Variants in GRM8 observed in about 807,000 individuals in gnomAD.
The protein encoded by GRM8 is glutamate metabotropic receptor 8, also known as metabotropic glutamate receptor 8.
GRM8 carries 47 observed loss-of-function variants against 87.2 expected under a neutral mutation model. The observed-to-expected ratio is 0.54, with a 90% CI of 0.43 to 0.69. The LOEUF (loss-of-function observed/expected upper bound fraction) is 0.69. Ranked by LOEUF, GRM8 falls within the 30% of genes least tolerant of loss-of-function variation. GRM8 has a pLI of 0.00. For synonymous variants in GRM8, 396 were observed against 404.5 expected (o/e 0.98, Z 0.25); for missense variants, 1,019 against 1,139.2 (o/e 0.89, Z 1.52).
At chr7:126,608,024 A>G (rs1798537404) in intron 8 of GRM8, among the ~76,000 whole-genome samples, 1 of 151,872 alleles carries the variant, frequency 6.6e-6, no homozygotes, top group African/African-American at 2.4e-5. Context: ...AACGTGCTCC[A>G]TACTTCTCTA....
At chr7:126,753,940 A>G (rs1207798438) in intron 7 of GRM8, among the ~76,000 whole-genome samples, 1 of 151,966 alleles carries the variant, frequency 6.6e-6, no homozygotes, top group Non-Finnish European at 1.5e-5. Flanking sequence ...CCAGGAAACT[A>G]TGCAAAGACT....
At chr7:126,592,348 T>C (rs1464706806) in intron 8 of GRM8, among the ~76,000 whole-genome samples, 1 of 151,818 alleles carries the variant, frequency 6.6e-6, no homozygotes, top group Non-Finnish European at 1.5e-5. Flanking sequence ...CTCAAGCCAA[T>C]ATCCCTGATG....
chr7:127,163,416 A>G (rs1361291321), intron 2 of GRM8, among the ~76,000 whole-genome samples: 1 of 152,206 alleles, frequency 6.6e-6, no homozygotes, highest in Non-Finnish European at 1.5e-5. Flanking sequence ...CCTGCCTGGC[A>G]GAACTCTCCT....
Position 127,106,529 on chromosome 7 carries a change from C to G in GRM8, c.694G>C (p.Val232Leu). The stretch of plus-strand genomic sequence containing the variant: ...CTCGAGATCTGGGTGAAGGCCTCCA[C>G]ACCGCTCTCACCATAGTTCCCCTCA... ...ASEGNYGESG[V>L]EAFTQISREI... The change falls in exon 3 of 11, where the codon GTG (valine) becomes CTG (leucine). Residue 232 changes from valine to leucine, a missense_variant. Coordinates refer to ENST00000339582, the MANE Select transcript of GRM8 (RefSeq NM_000845.3). 6.2e-7 allele frequency: 1 copy of G among 1,614,008 alleles called. No homozygotes were observed. Among genetic ancestry groups the G allele is most frequent in the Non-Finnish European group, 8.5e-7 (1 of 1,179,920 alleles).
At chr7:126,705,406 G>T (rs990786722) in intron 7 of GRM8, among the ~76,000 whole-genome samples, 4 of 152,114 alleles carry the variant, frequency 2.6e-5, no homozygotes, top group African/African-American at 9.7e-5. Flanking sequence ...TGTTATGATT[G>T]CCATACATTG....
chr7:126,778,084 T>C (rs1819657296), intron 6 of GRM8, among the ~76,000 whole-genome samples: 1 of 152,210 alleles, frequency 6.6e-6, no homozygotes, highest in African/African-American at 2.4e-5. Context: ...GTCAAGGACC[T>C]GTAGAGACAG....
At chr7:126,746,797 T>C (rs950367444) in intron 7 of GRM8, among the ~76,000 whole-genome samples, 2 of 151,736 alleles carry the variant, frequency 1.3e-5, no homozygotes, top group Non-Finnish European at 3.0e-5. Context: ...ATATCTAAAA[T>C]TGCTCAATAA....
intron 6 of GRM8, among the ~76,000 whole-genome samples, chr7:126,820,930 G>A (rs1027932436): frequency 5.3e-5 from 8 of 152,170 alleles, no homozygotes; most frequent in African/African-American, 1.7e-4. Flanking sequence ...GCGAAAGCCT[G>A]TCTCTGCAAA....
intron 6 of GRM8, among the ~76,000 whole-genome samples, chr7:126,807,453 G>A (rs928775342): frequency 1.2e-4 from 18 of 152,302 alleles, no homozygotes; most frequent in Admixed American, 1.2e-3. Flanking sequence ...ACTAAAAGAT[G>A]CTTTGGTCTA....
intron 3 of GRM8, among the ~76,000 whole-genome samples, chr7:126,950,698 G>A (rs572911061): frequency 6.6e-6 from 1 of 152,120 alleles, no homozygotes; most frequent in African/African-American, 2.4e-5. Flanking sequence ...ATTTCCCATG[G>A]CTTGTCTGTA....
chr7:126,877,147 T>C lies in GRM8; in HGVS notation c.1156+25395A>G, dbSNP rs556219814. On this transcript the variant is annotated intron_variant, in intron 6 of 10. Transcript: ENST00000339582. Reference sequence around the variant, plus strand: ...AGACAAGCCTTTCTTCAATGCCCATTCCTTGTTGGATTCCTGGCCTTCCTC... The same window carrying C: ...AGACAAGCCTTTCTTCAATGCCCATCCCTTGTTGGATTCCTGGCCTTCCTC... 4.3e-4 allele frequency among the ~76,000 whole-genome samples: 65 copies of C among 152,310 alleles called. 1 individual carries two copies. The South Asian group carries it at 0.013, about 31-fold the overall frequency.
intron 7 of GRM8, among the ~76,000 whole-genome samples, chr7:126,695,284 C>T (rs911126824): frequency 6.6e-6 from 1 of 152,142 alleles, no homozygotes; most frequent in African/African-American, 2.4e-5. Context: ...TATCTTCTAT[C>T]ATTTGGAAAT....
chr7:127,150,203 A>C (rs1473500591), intron 2 of GRM8, among the ~76,000 whole-genome samples: 1 of 152,108 alleles, frequency 6.6e-6, no homozygotes, highest in Non-Finnish European at 1.5e-5. Context: ...TGAAACAGGA[A>C]AGAAGACAGG....
chr7:126,706,875 C>G lies in GRM8; in HGVS notation c.1357+62990G>C, dbSNP rs115981281. Among the ~76,000 whole-genome samples, 273 of 152,232 alleles carry G rather than the reference C, an allele frequency of 1.8e-3. 1 individual carries two copies. The highest frequency in any genetic ancestry group is 6.8e-3 in the Middle Eastern group (2 of 294). ...CCTTATTCAATAGTTTTAATATATA[C>G]CTGGTATCTGCCATGTCTACCACAA... is the stretch of plus-strand genomic sequence containing the variant. On this transcript the variant is annotated intron_variant, in intron 7 of 10. Transcript: ENST00000339582.
At chr7:126,669,893 G>A (rs934100343) in intron 7 of GRM8, among the ~76,000 whole-genome samples, 6 of 152,166 alleles carry the variant, frequency 3.9e-5, no homozygotes, top group South Asian at 2.1e-4. Flanking sequence ...AGAGAAAGCC[G>A]AAGGTTCAAA....
intron 9 of GRM8, among the ~76,000 whole-genome samples, chr7:126,460,926 A>G (rs1042868551): frequency 6.6e-6 from 1 of 151,546 alleles, no homozygotes; most frequent in African/African-American, 2.4e-5. Flanking sequence ...AGTATATTTT[A>G]GAGCCATTAG....
rs1426435623 is a variant in GRM8 at position 126,902,615 on chromosome 7, T to C, written c.1083A>G (p.Glu361=). ...TGCAGCCAAAATTCTCCTCCCAGAA[T>C]TCTGCAAACCACACATTTCTTCGAT... The part of the protein sequence containing the change: ...ANNRRNVWFA[E]FWEENFGCKL... Residue 361 remains glutamate, a synonymous_variant, in exon 6 of 11, where the codon GAA becomes GAG. Coordinates refer to ENST00000339582, the MANE Select transcript of GRM8 (RefSeq NM_000845.3). The C allele has an allele frequency of 6.2e-7, 1 of 1,611,208 alleles. No homozygotes were observed. Among genetic ancestry groups the C allele is most frequent in the African/African-American group, 1.3e-5 (1 of 74,862 alleles).
chr7:126,773,458 A>C (rs960416996), intron 6 of GRM8, among the ~76,000 whole-genome samples: 5 of 152,144 alleles, frequency 3.3e-5, no homozygotes, highest in Non-Finnish European at 7.3e-5. Flanking sequence ...ACATGTGTGA[A>C]TGTTTTATAG....
chr7:126,948,818 C>T (rs1185786311), intron 3 of GRM8, among the ~76,000 whole-genome samples: 2 of 152,202 alleles, frequency 1.3e-5, no homozygotes, highest in African/African-American at 4.8e-5. Context: ...CCACTCATGG[C>T]TGGCTCAGTG....
Sources: gnomAD v4.1 joint callset for allele counts (sites outside exome capture counted in the v4.1 genomes callset) on GRCh38, gnomAD v4.1.1 for gene constraint, MANE v1.5 for transcripts, NCBI Gene and HGNC (gene_info 2026-07-23, HGNC 2026-07-21) for gene names.